COL8A1: variants seen among roughly 807,000 people sequenced by gnomAD.
COL8A1 encodes collagen type VIII alpha 1 chain.
COL8A1 carries 21 observed loss-of-function variants against 42.7 expected under a neutral mutation model. The observed-to-expected ratio is 0.49, with a 90% CI of 0.35 to 0.71. The LOEUF is 0.71. COL8A1 is among the 30% of genes least tolerant of loss of function. The pLI is 0.01. For synonymous variants in COL8A1, 367 were observed against 369.1 expected (o/e 0.99, Z 0.06); for missense variants, 788 against 962.4 (o/e 0.82, Z 2.40).
At chr3:99,736,663 A>G (rs546714847) in intron 1 of COL8A1, among the ~76,000 whole-genome samples, 4 of 152,256 alleles carry the variant, frequency 2.6e-5, no homozygotes, top group Admixed American at 1.3e-4. Flanking sequence ...TATGTGGTCA[A>G]TTTTGGAATA....
chr3:99,717,093 C>G (rs762207953), intron 1 of COL8A1, among the ~76,000 whole-genome samples: 2 of 151,840 alleles, frequency 1.3e-5, no homozygotes, highest in Non-Finnish European at 2.9e-5. Context: ...GTCCTGGAAC[C>G]GAATCTCAGT....
At chr3:99,663,506 C>T (rs989083022) in intron 1 of COL8A1, among the ~76,000 whole-genome samples, 21 of 152,040 alleles carry the variant, frequency 1.4e-4, no homozygotes, top group African/African-American at 4.8e-4. Flanking sequence ...CTAATCCAAG[C>T]GTTAGTGGCA....
In COL8A1 at chr3:99,687,132, C is replaced by T. The variant is rs181880798; in HGVS notation, c.-129+48468C>T. Among the ~76,000 whole-genome samples the T allele has an allele frequency of 4.0e-3, 614 of 152,302 alleles. 3 individuals carry two copies. The highest frequency in any genetic ancestry group is 6.6e-3 in the Non-Finnish European group (451 of 68,020). ...GTGCTGGGATTACAGGCAGGAGCCA[C>T]GGCATCCGGCCTGTAACTGTCCATC... On this transcript the variant is annotated intron_variant, in intron 1 of 3. Coordinates refer to ENST00000652472, the MANE Select transcript of COL8A1 (RefSeq NM_020351.4).
chr3:99,722,830 A>C (rs2107371534), intron 1 of COL8A1, among the ~76,000 whole-genome samples: 1 of 152,280 alleles, frequency 6.6e-6, no homozygotes, highest in African/African-American at 2.4e-5. Context: ...AAATTCCAAC[A>C]TTCTTATAGA....
At chr3:99,674,254 G>A (rs1938625916) in intron 1 of COL8A1, among the ~76,000 whole-genome samples, 1 of 151,882 alleles carries the variant, frequency 6.6e-6, no homozygotes, top group South Asian at 2.1e-4. Context: ...TCAGCTTTGT[G>A]GCCAGAGTGT....
At chr3:99,680,881 A>C (rs933390658) in intron 1 of COL8A1, among the ~76,000 whole-genome samples, 1 of 152,092 alleles carries the variant, frequency 6.6e-6, no homozygotes, top group Admixed American at 6.5e-5. Context: ...AGAAACAAGA[A>C]ATGGAGAAAG....
chr3:99,752,146 CT>C (rs1941163685), intron 2 of COL8A1, among the ~76,000 whole-genome samples: 1 of 152,076 alleles, frequency 6.6e-6, no homozygotes, highest in Non-Finnish European at 1.5e-5. Context: ...CATGAAAGCT[CT>C]TTTTCTAAGT....
Position 99,794,201 on chromosome 3 carries a change from A to G in COL8A1, c.329-29A>G. On this transcript the variant is annotated intron_variant, in intron 3 of 3. Transcript: ENST00000652472. This position sits in a 1 kb window ranked among gnomAD's most constrained non-coding sequence, Gnocchi z 4.3. ...AATCAATCTCTCTCTCTCCCCCCAT[A>G]CCCCTTCTCTCTCTTCTCTTCCCAG... The G allele has an allele frequency of 7.0e-7, 1 of 1,424,308 alleles. No individual in the cohort carries two copies. The highest frequency in any genetic ancestry group is 1.4e-5 in the South Asian group (1 of 72,544). The allele number at this position is 1,424,308 out of a possible 1,614,324, so 88.2% of individuals were successfully genotyped here. A position where few individuals can be genotyped will look rare whatever the true frequency, so the allele number is the denominator to read the frequency against.
At chr3:99,694,709 G>C (rs1012465183) in intron 1 of COL8A1, among the ~76,000 whole-genome samples, 1 of 152,108 alleles carries the variant, frequency 6.6e-6, no homozygotes, top group Non-Finnish European at 1.5e-5. Context: ...TTGTACCTTT[G>C]AGGGATTCTT....
Position 99,791,028 on chromosome 3 carries a change from G to A in COL8A1, c.328+18G>A, listed in dbSNP as rs750572778. 2.6e-5 allele frequency: 41 copies of A among 1,586,816 alleles called. 1 individual carries two copies. The Admixed American group carries it at 2.6e-4, about 10-fold the overall frequency. ...AGGCAAAGGTAACATCATACTCCCA[G>A]GCTGTTATAAAACAACAGCTTTCCA... On this transcript the variant is annotated intron_variant, in intron 3 of 3. Coordinates refer to ENST00000652472, the MANE Select transcript of COL8A1 (RefSeq NM_020351.4).
At chr3:99,724,178 A>G (rs1940236973) in intron 1 of COL8A1, among the ~76,000 whole-genome samples, 1 of 152,024 alleles carries the variant, frequency 6.6e-6, no homozygotes. Context: ...CTAAAGTTGG[A>G]GAGAGAGGAC....
chr3:99,690,960 T>C (rs907139056), intron 1 of COL8A1, among the ~76,000 whole-genome samples: 2 of 152,210 alleles, frequency 1.3e-5, no homozygotes, highest in South Asian at 2.1e-4. Flanking sequence ...CTGAACAATG[T>C]GGATTTGAAT....
chr3:99,794,494 C>T lies in COL8A1; in HGVS notation c.593C>T (p.Pro198Leu). Reference sequence around the variant, plus strand: ...ATGGGGATCCCAGGACCACAAGGACCTCCAGGGCCTCATGGACTTCCTGGC... The same window carrying T: ...ATGGGGATCCCAGGACCACAAGGACTTCCAGGGCCTCATGGACTTCCTGGC... Reference protein sequence around the residue: ...GPMGIPGPQGPPGPHGLPGIG... With the variant: ...GPMGIPGPQGLPGPHGLPGIG... The change falls in exon 4 of 4, where the codon CCT becomes CTT. Residue 198 changes from proline (P) to leucine (L), a missense_variant. Coordinates refer to ENST00000652472, the MANE Select transcript of COL8A1 (RefSeq NM_020351.4). This position sits in a 1 kb window ranked among gnomAD's most constrained non-coding sequence, Gnocchi z 4.3. 5 of 1,613,984 alleles carry T rather than the reference C, an allele frequency of 3.1e-6. No homozygotes were observed. The highest frequency in any genetic ancestry group is 4.2e-6 in the Non-Finnish European group (5 of 1,179,952).
At chr3:99,702,899 G>A (rs1939581864) in intron 1 of COL8A1, among the ~76,000 whole-genome samples, 1 of 152,308 alleles carries the variant, frequency 6.6e-6, no homozygotes, top group East Asian at 1.9e-4. Flanking sequence ...AGGCTTCAGG[G>A]TAAGACCTAA....
At chr3:99,715,943 G>C (rs1195504435) in intron 1 of COL8A1, among the ~76,000 whole-genome samples, 1 of 152,050 alleles carries the variant, frequency 6.6e-6, no homozygotes, top group Non-Finnish European at 1.5e-5. Context: ...GTCTGTGACA[G>C]AGAATTAAAA....
intron 1 of COL8A1, among the ~76,000 whole-genome samples, chr3:99,696,867 T>C (rs1939384920): frequency 6.6e-6 from 1 of 152,188 alleles, no homozygotes; most frequent in Admixed American, 6.5e-5. Flanking sequence ...TGTCATACTT[T>C]CACCACCAAC....
intron 2 of COL8A1, among the ~76,000 whole-genome samples, chr3:99,764,020 C>G (rs929713743): frequency 3.3e-5 from 5 of 152,192 alleles, no homozygotes; most frequent in African/African-American, 1.2e-4. Flanking sequence ...CCTAGAAGAA[C>G]TGTTTCGTTG....
intron 1 of COL8A1, among the ~76,000 whole-genome samples, chr3:99,661,080 A>G (rs1447174730): frequency 6.6e-6 from 1 of 152,200 alleles, no homozygotes; most frequent in Non-Finnish European, 1.5e-5. Flanking sequence ...CACATGTAAG[A>G]TAAACGTGCA....
intron 1 of COL8A1, among the ~76,000 whole-genome samples, chr3:99,647,475 GTCTC>G (rs10662522): frequency 1.6e-4 from 24 of 147,710 alleles, no homozygotes; most frequent in Admixed American, 4.1e-4. Context: ...TATTATTCAA[GTCTC>G]TCTCTCTCTC....
Sources: allele counts gnomAD v4.1 joint callset (sites outside exome capture counted in the v4.1 genomes callset), GRCh38; gene constraint gnomAD v4.1.1; non-coding constraint Gnocchi (gnomAD v3.1); transcripts MANE v1.5; gene names NCBI Gene and HGNC (gene_info 2026-07-23, HGNC 2026-07-21).